Variants in MACROD2 observed in about 807,000 individuals in gnomAD.
The protein encoded by MACROD2 is mono-ADP ribosylhydrolase 2.
Under a neutral mutation model 70.4 loss-of-function variants are expected in MACROD2, and 36 were observed. The observed-to-expected ratio is 0.51, with a 90% CI of 0.39 to 0.68. The LOEUF is 0.68. Among genes scored for constraint, MACROD2 ranks in the 30% least tolerant of loss-of-function variants. MACROD2 has a pLI of 0.00. For synonymous variants in MACROD2, 172 were observed against 178.8 expected, an observed-to-expected ratio of 0.96 and a Z score of 0.30; for missense variants, 496 against 538.4, an observed-to-expected ratio of 0.92 and a Z score of 0.78.
chr20:14,052,741 G>GT (rs1230860807), intron 2 of MACROD2, among the ~76,000 whole-genome samples: 1 of 151,938 alleles, frequency 6.6e-6, no homozygotes, highest in Admixed American at 6.6e-5. Flanking sequence ...TTTCTCAGAG[G>GT]TTTTCTAAGA....
intron 8 of MACROD2, among the ~76,000 whole-genome samples, chr20:15,739,122 G>C (rs1470182583): frequency 1.3e-5 from 2 of 152,150 alleles, no homozygotes; most frequent in African/African-American, 2.4e-5. Context: ...AGTGAGGAAT[G>C]AGAGATTAGG....
intron 5 of MACROD2, among the ~76,000 whole-genome samples, chr20:14,742,668 G>A (rs2071746712): frequency 6.6e-6 from 1 of 151,706 alleles, no homozygotes; most frequent in African/African-American, 2.4e-5. Flanking sequence ...CCTAGCCCTG[G>A]ACACTAATTC....
chr20:14,059,289 T>C (rs761692658), intron 2 of MACROD2, among the ~76,000 whole-genome samples: 3 of 152,348 alleles, frequency 2.0e-5, no homozygotes, highest in Middle Eastern at 6.8e-3. Context: ...TTCAGACATA[T>C]GCTTTTTTGT....
At chr20:15,653,290 G>C (rs895876728) in intron 8 of MACROD2, among the ~76,000 whole-genome samples, 1 of 152,136 alleles carries the variant, frequency 6.6e-6, no homozygotes, top group African/African-American at 2.4e-5. Context: ...ATGACATCGT[G>C]GATGATACAA....
chr20:15,477,580 G>C (rs954820973), intron 7 of MACROD2, among the ~76,000 whole-genome samples: 8 of 152,118 alleles, frequency 5.3e-5, no homozygotes, highest in Admixed American at 4.6e-4. Flanking sequence ...AGGAGGGAGA[G>C]AGGAGGGGAG....
chr20:15,299,192 T>C (rs530718914), intron 6 of MACROD2, among the ~76,000 whole-genome samples: 1 of 152,316 alleles, frequency 6.6e-6, no homozygotes, highest in East Asian at 1.9e-4. Context: ...TGTAAACTAG[T>C]AAATTTCACC....
intron 5 of MACROD2, among the ~76,000 whole-genome samples, chr20:14,799,825 G>T (rs1308460470): frequency 6.6e-6 from 1 of 152,196 alleles, no homozygotes. Flanking sequence ...GCAACAAAAA[G>T]CCATTAACTT....
At chr20:14,430,731 C>T (rs6135143) in intron 3 of MACROD2, among the ~76,000 whole-genome samples, 1 of 152,240 alleles carries the variant, frequency 6.6e-6, no homozygotes, top group Admixed American at 6.5e-5. Context: ...CCCAGCTTCC[C>T]TTGCAGCAGG....
intron 3 of MACROD2, among the ~76,000 whole-genome samples, chr20:14,420,337 G>A (rs2083861231): frequency 6.6e-6 from 1 of 152,050 alleles, no homozygotes; most frequent in South Asian, 2.1e-4. Context: ...CACCAGCATA[G>A]CACAAGTGTT....
chr20:15,420,601 GA>G (rs11482824), intron 6 of MACROD2, among the ~76,000 whole-genome samples: 16 of 151,846 alleles, frequency 1.1e-4, no homozygotes, highest in South Asian at 4.2e-4. Context: ...ATGCGATGGG[GA>G]AAAAAATTGA....
At position 14,950,738 on chromosome 20, in the gene MACROD2, G is replaced by A. The variant is rs553665910; in HGVS notation, c.418+265779G>A. Among the ~76,000 whole-genome samples the A allele has an allele frequency of 3.9e-5, 6 of 152,250 alleles. No individual in the cohort carries two copies. In the East Asian group the frequency reaches 1.2e-3, roughly 29 times the overall value. On this transcript the variant is annotated intron_variant, in intron 5 of 17. Transcript: ENST00000684519. Reference sequence around the variant, plus strand: ...AATACATGAAACTTTGGGAGAGTAGGCCTCTGACATTCTTAGAGTTATTTC... The same window carrying A: ...AATACATGAAACTTTGGGAGAGTAGACCTCTGACATTCTTAGAGTTATTTC...
At chr20:14,804,895 G>A (rs2072620965) in intron 5 of MACROD2, among the ~76,000 whole-genome samples, 1 of 128,718 alleles carries the variant, frequency 7.8e-6, no homozygotes, top group African/African-American at 3.0e-5. Context: ...GTGTGTGTGA[G>A]AGAGAGAGAG....
chr20:14,058,191 T>A (rs1192860756), intron 2 of MACROD2, among the ~76,000 whole-genome samples: 1 of 152,092 alleles, frequency 6.6e-6, no homozygotes, highest in African/African-American at 2.4e-5. Context: ...GATTTGTGAG[T>A]TTTTCTGCAT....
intron 5 of MACROD2, among the ~76,000 whole-genome samples, chr20:14,992,302 G>A (rs2074911541): frequency 6.6e-6 from 1 of 152,104 alleles, no homozygotes; most frequent in African/African-American, 2.4e-5. Flanking sequence ...AAAACACAAT[G>A]GTGTCTCTAT....
chr20:15,755,822 G>C (rs1353031567), intron 8 of MACROD2, among the ~76,000 whole-genome samples: 2 of 152,148 alleles, frequency 1.3e-5, no homozygotes, highest in Non-Finnish European at 2.9e-5. Context: ...CCTGGCACTG[G>C]GTGGAGTGCC....
At chr20:14,223,229 G>A (rs1419074706) in intron 3 of MACROD2, 1 of 152,266 alleles carries the variant, frequency 6.6e-6, no homozygotes, top group Non-Finnish European at 1.5e-5. Context: ...AGCAGCCCAG[G>A]TCTGAAATAG....
chr20:15,677,929 G>A (rs2050089728), intron 8 of MACROD2, among the ~76,000 whole-genome samples: 2 of 152,042 alleles, frequency 1.3e-5, no homozygotes, highest in South Asian at 4.1e-4. Context: ...GCCAAGCATG[G>A]TGGTGGGCAC....
intron 13 of MACROD2, among the ~76,000 whole-genome samples, chr20:15,984,965 A>G (rs1415589256): frequency 6.6e-6 from 1 of 152,130 alleles, no homozygotes; most frequent in African/African-American, 2.4e-5. Flanking sequence ...CTGTCTATGT[A>G]CGGAAACTGG....
intron 3 of MACROD2, among the ~76,000 whole-genome samples, chr20:14,414,355 TA>T (rs2083781063): frequency 6.6e-6 from 1 of 152,136 alleles, no homozygotes; most frequent in South Asian, 2.1e-4. Context: ...TCTCACATCT[TA>T]AATCCAGTCA....
Sources: allele counts gnomAD v4.1 joint callset (sites outside exome capture counted in the v4.1 genomes callset), GRCh38; gene constraint gnomAD v4.1.1; transcripts MANE v1.5; gene names NCBI Gene and HGNC (gene_info 2026-07-23, HGNC 2026-07-21).